Variants in FAM81A observed in about 807,000 individuals in gnomAD.
The protein encoded by FAM81A is protein FAM81A.
Under a neutral mutation model 46.7 loss-of-function variants are expected in FAM81A, and 19 were observed. That is an observed-to-expected ratio of 0.41 (90% CI 0.28 to 0.60). The LOEUF (loss-of-function observed/expected upper bound fraction) is 0.60. FAM81A is among the 20% of genes least tolerant of loss of function. The pLI, the probability that FAM81A is intolerant of heterozygous loss-of-function variation, is 0.34. For synonymous variants in FAM81A, 183 were observed against 152.9 expected (o/e 1.20, Z -1.45); for missense variants, 377 against 453.5 (o/e 0.83, Z 1.53).
intron 6 of FAM81A, among the ~76,000 whole-genome samples, chr15:59,512,204 C>T (rs540065120): frequency 1.3e-4 from 19 of 151,948 alleles, no homozygotes; most frequent in African/African-American, 3.4e-4. Context: ...GCTGGCCAGG[C>T]GAGGGGGCTA....
At chr15:59,468,169 C>CT (rs1276358956) in intron 3 of FAM81A, among the ~76,000 whole-genome samples, 2 of 152,214 alleles carry the variant, frequency 1.3e-5, no homozygotes, top group East Asian at 1.9e-4. Context: ...CTAAAAGTCT[C>CT]TTTTTTTGTT....
chr15:59,441,306 A>G (rs1166008136), intron 1 of FAM81A, among the ~76,000 whole-genome samples: 1 of 152,220 alleles, frequency 6.6e-6, no homozygotes, highest in African/African-American at 2.4e-5. Context: ...CGCTCTGTCC[A>G]GTAGAATTTT....
At chr15:59,454,165 T>C (rs1226032795) in intron 1 of FAM81A, among the ~76,000 whole-genome samples, 2 of 152,208 alleles carry the variant, frequency 1.3e-5, no homozygotes, top group African/African-American at 2.4e-5. Flanking sequence ...GGAAATAGGG[T>C]TTTTTGTTTT....
At chr15:59,485,973 G>A (rs185703677) in intron 3 of FAM81A, among the ~76,000 whole-genome samples, 23 of 152,212 alleles carry the variant, frequency 1.5e-4, no homozygotes. Flanking sequence ...GAGGTCAGAA[G>A]TTCGAGACCA....
chr15:59,495,525 A>G (rs893911445), intron 4 of FAM81A, among the ~76,000 whole-genome samples: 1 of 152,128 alleles, frequency 6.6e-6, no homozygotes, highest in Non-Finnish European at 1.5e-5. Context: ...TTTCTCTTGG[A>G]TATGTACCTA....
Position 59,507,317 on chromosome 15 carries a change from C to T in FAM81A, c.518C>T (p.Thr173Met), listed in dbSNP as rs201248214. The T allele has an allele frequency of 7.0e-4, 1,124 of 1,612,270 alleles. 1 individual carries two copies. The highest frequency in any genetic ancestry group is 8.9e-4 in the Non-Finnish European group (1,045 of 1,179,240). Reference sequence around the variant, plus strand: ...CAGGCTGCCAAACTTATCTTGGAAACGAAAATCAAAGATGCAGAGGGACAG... The same window carrying T: ...CAGGCTGCCAAACTTATCTTGGAAATGAAAATCAAAGATGCAGAGGGACAG... ...EQQAAKLILE[T>M]KIKDAEGQIS... Residue 173 changes from threonine to methionine, a missense_variant, in exon 5 of 9, where the codon ACG (threonine) becomes ATG (methionine). Coordinates refer to ENST00000288228, the MANE Select transcript of FAM81A (RefSeq NM_152450.3).
chr15:59,435,100 A>G (rs1446340325), upstream of FAM81A, among the ~76,000 whole-genome samples: 7 of 152,218 alleles, frequency 4.6e-5, no homozygotes, highest in African/African-American at 7.2e-5. Flanking sequence ...CATCCTGGCC[A>G]ACATGACAAG....
In FAM81A at chr15:59,425,675, G is replaced by A. The variant is rs2081191819; in HGVS notation, c.-78+23317G>A. Among the ~76,000 whole-genome samples, 3 of 152,092 alleles carry A rather than the reference G, an allele frequency of 2.0e-5. No individual in the cohort carries two copies. In the South Asian group the frequency reaches 6.2e-4, roughly 32 times the overall value. On this transcript the variant is annotated intron_variant, in intron 2 of 4. Transcript: ENST00000558348. The stretch of plus-strand genomic sequence containing the variant: ...GGATCTCACTCTGTTGCTTATACTG[G>A]AGTACAGTGGCATGATCATAGCTCA...
At chr15:59,498,677 A>G (rs78037064) in intron 4 of FAM81A, among the ~76,000 whole-genome samples, 12,187 of 152,214 alleles carry the variant, frequency 0.08, 582 homozygotes, top group African/African-American at 0.12. Context: ...CTTTGGAGAC[A>G]GAGTCTTGCT....
intron 3 of FAM81A, among the ~76,000 whole-genome samples, chr15:59,482,573 A>G (rs1254331563): frequency 6.6e-6 from 1 of 152,194 alleles, no homozygotes; most frequent in African/African-American, 2.4e-5. Context: ...CCAGCTCTAT[A>G]GTGTCTAATA....
chr15:59,442,232 T>G (rs1309267491), intron 1 of FAM81A, among the ~76,000 whole-genome samples: 1 of 152,222 alleles, frequency 6.6e-6, no homozygotes, highest in Non-Finnish European at 1.5e-5. Context: ...GCCTGACTGC[T>G]TTGTCTCTAC....
intron 2 of FAM81A, chr15:59,407,722 A>G (rs2081102713): frequency 5.1e-6 from 1 of 196,078 alleles, no homozygotes; most frequent in Non-Finnish European, 1.0e-5. Context: ...CAAGGTGGCA[A>G]TGGTGATAAC....
chr15:59,498,716 C>T (rs1422844963), intron 4 of FAM81A, among the ~76,000 whole-genome samples: 2 of 152,096 alleles, frequency 1.3e-5, no homozygotes, highest in African/African-American at 2.4e-5. Context: ...TGAAGAGGTG[C>T]GATCTTGGCT....
At chr15:59,481,931 A>G (rs1430212481) in intron 3 of FAM81A, among the ~76,000 whole-genome samples, 1 of 151,764 alleles carries the variant, frequency 6.6e-6, no homozygotes, top group Non-Finnish European at 1.5e-5. Context: ...TGCTTCTTTA[A>G]TAAGTGAAAA....
intron 1 of FAM81A, chr15:59,401,506 A>G: frequency 1.3e-6 from 1 of 749,498 alleles, no homozygotes; most frequent in South Asian, 1.5e-5. Context: ...TTTCATACTT[A>G]GGTGGTATTC....
At chr15:59,457,019 C>T (rs2081493112) in intron 1 of FAM81A, among the ~76,000 whole-genome samples, 1 of 152,232 alleles carries the variant, frequency 6.6e-6, no homozygotes, top group Non-Finnish European at 1.5e-5. Flanking sequence ...AATATCTCAA[C>T]TGAGATGTCT....
chr15:59,479,519 GAAAAAAA>G (rs57107735), intron 3 of FAM81A, among the ~76,000 whole-genome samples: 1 of 72,676 alleles, frequency 1.4e-5, no homozygotes, highest in Non-Finnish European at 2.4e-5. Flanking sequence ...TCAAAAATAA[GAAAAAAA>G]AAAAAAAAAA....
At chr15:59,472,376 G>A (rs1159407452) in intron 3 of FAM81A, among the ~76,000 whole-genome samples, 2 of 152,002 alleles carry the variant, frequency 1.3e-5, no homozygotes, top group Admixed American at 6.5e-5. Context: ...AAAACATAAC[G>A]AAAACCTGAG....
rs1359307221 is a variant in FAM81A at position 59,522,837 on chromosome 15, A to G, written c.*1459A>G. 1 of 152,642 alleles carries G rather than the reference A, an allele frequency of 6.6e-6. No homozygotes were observed. The highest frequency in any genetic ancestry group is 1.5e-5 in the Non-Finnish European group (1 of 68,032). The allele number at this position is 152,642 out of a possible 1,614,324, so 9.5% of individuals were successfully genotyped here. ...GTTTACCCATATAAAATATGCTGCTAAAGTACATATTTTGCTGTCAATGGC... is the reference window on the plus strand; with the variant it reads ...GTTTACCCATATAAAATATGCTGCTGAAGTACATATTTTGCTGTCAATGGC... On this transcript the variant is annotated 3_prime_UTR_variant, in exon 9 of 9. Transcript: ENST00000288228.
Sources: gnomAD v4.1 joint callset for allele counts (sites outside exome capture counted in the v4.1 genomes callset) on GRCh38, gnomAD v4.1.1 for gene constraint, MANE v1.5 for transcripts, NCBI Gene and HGNC (gene_info 2026-07-23, HGNC 2026-07-21) for gene names.